Variants in DOCK10 observed in about 807,000 individuals in gnomAD.
The protein encoded by DOCK10 is dedicator of cytokinesis 10.
A neutral mutation model predicts 280.1 loss-of-function variants in DOCK10; 145 were observed. That is an observed-to-expected ratio of 0.52 (90% CI 0.45 to 0.59). The LOEUF is 0.59. DOCK10 is among the 20% of genes least tolerant of loss of function. The pLI is 0.00. For synonymous variants in DOCK10, 915 were observed against 942.2 expected, an observed-to-expected ratio of 0.97 and a Z score of 0.53; for missense variants, 2,368 against 2,651.7, an observed-to-expected ratio of 0.89 and a Z score of 2.35.
chr2:224,978,555 A>G (rs1342815952), intron 1 of DOCK10, among the ~76,000 whole-genome samples: 1 of 152,236 alleles, frequency 6.6e-6, no homozygotes, highest in African/African-American at 2.4e-5. Flanking sequence ...GATAAGAAAA[A>G]TATGTGATCA....
chr2:224,854,326 T>C (rs1381980999), intron 16 of DOCK10, among the ~76,000 whole-genome samples: 2 of 152,310 alleles, frequency 1.3e-5, no homozygotes, highest in East Asian at 3.9e-4. Context: ...AACTCTTTTA[T>C]AAATAAAGTT....
At chr2:224,889,901 G>GC (rs1699557589) in intron 4 of DOCK10, among the ~76,000 whole-genome samples, 2 of 152,206 alleles carry the variant, frequency 1.3e-5, no homozygotes, top group Non-Finnish European at 2.9e-5. Context: ...TCAGAGGAAG[G>GC]TTCCAATGGT....
In DOCK10 at chr2:224,845,661, T is replaced by C. The variant is rs954008706; in HGVS notation, c.2236-19A>G. The C allele has an allele frequency of 3.1e-6, 5 of 1,600,210 alleles. No homozygotes were observed. The highest frequency in any genetic ancestry group is 3.3e-4 in the Middle Eastern group (2 of 5,986). On this transcript the variant is annotated intron_variant, in intron 19 of 55. Transcript: ENST00000258390. Reference sequence around the variant, plus strand: ...TTTTCACCTGCAACGAAAGAAACCATAGTTGGACTGAGATTAAAATCATTT... The same window carrying C: ...TTTTCACCTGCAACGAAAGAAACCACAGTTGGACTGAGATTAAAATCATTT...
chr2:224,894,578 C>T (rs1699877398), intron 4 of DOCK10, among the ~76,000 whole-genome samples: 1 of 152,162 alleles, frequency 6.6e-6, no homozygotes, highest in Admixed American at 6.5e-5. Context: ...TCATGAACAC[C>T]CAGACATTCT....
chr2:224,786,549 T>C lies in DOCK10; in HGVS notation c.5655+473A>G, dbSNP rs1488595587. 1.3e-5 allele frequency among the ~76,000 whole-genome samples: 2 copies of C among 152,230 alleles called. No individual in the cohort carries two copies. Among genetic ancestry groups the C allele is most frequent in the East Asian group, 3.8e-4 (2 of 5,198 alleles). Reference sequence around the variant, plus strand: ...CAAAATAACCATCTGGTATTTTGTCTAGAAACAGTGGTAGTTCGAAAATAG... The same window carrying C: ...CAAAATAACCATCTGGTATTTTGTCCAGAAACAGTGGTAGTTCGAAAATAG... On this transcript the variant is annotated intron_variant, in intron 50 of 55. Coordinates refer to ENST00000258390, the MANE Select transcript of DOCK10 (RefSeq NM_014689.3). The surrounding 1 kb of genome is among the most constrained non-coding windows in gnomAD (Gnocchi z 4.7).
chr2:225,039,471 G>A (rs965026332), intron 1 of DOCK10, among the ~76,000 whole-genome samples: 6 of 152,174 alleles, frequency 3.9e-5, no homozygotes, highest in Non-Finnish European at 7.3e-5. Context: ...TGGGAGGGGT[G>A]AAGAATAAGG....
At chr2:224,955,567 G>T (rs563449967) in intron 1 of DOCK10, among the ~76,000 whole-genome samples, 2 of 152,332 alleles carry the variant, frequency 1.3e-5, no homozygotes, top group Non-Finnish European at 2.9e-5. Flanking sequence ...TAATGCATTT[G>T]TGTCTTTTAA....
intron 1 of DOCK10, among the ~76,000 whole-genome samples, chr2:224,934,898 A>C (rs1575081226): frequency 6.6e-6 from 1 of 152,178 alleles, no homozygotes; most frequent in African/African-American, 2.4e-5. Flanking sequence ...GCTGTTCTAA[A>C]GTCACTCTGC....
chr2:224,967,061 A>G (rs2126192864), intron 1 of DOCK10, among the ~76,000 whole-genome samples: 1 of 152,112 alleles, frequency 6.6e-6, no homozygotes. Context: ...CAAATGGATA[A>G]AGTTCACCCT....
intron 1 of DOCK10, among the ~76,000 whole-genome samples, chr2:224,989,230 C>T (rs993627022): frequency 3.3e-5 from 5 of 152,130 alleles, no homozygotes; most frequent in Admixed American, 6.5e-5. Context: ...TCAACTGCCT[C>T]GCAATCTTTG....
chr2:224,862,581 C>G lies in DOCK10; in HGVS notation c.1685+83G>C, dbSNP rs751007735. Reference sequence around the variant, plus strand: ...GTGTAGACACATTAAAAATAATAGGCAACACAAAAACGTTCAAAACTGAAG... The same window carrying G: ...GTGTAGACACATTAAAAATAATAGGGAACACAAAAACGTTCAAAACTGAAG... On this transcript the variant is annotated intron_variant, in intron 14 of 55. Transcript: ENST00000258390. 6 of 1,087,656 alleles carry G rather than the reference C, an allele frequency of 5.5e-6. No individual in the cohort carries two copies. The African/African-American group carries it at 7.8e-5, about 14-fold the overall frequency. 67.4% of individuals were successfully genotyped at this position (1,087,656 alleles called of 1,614,324 possible). A position where few individuals can be genotyped will look rare whatever the true frequency, so the allele number is the denominator to read the frequency against.
rs71062961 is a variant in DOCK10, at chr2:224,804,000, A to ATGTG, written c.4268+108_4268+111dup. The ATGTG allele has an allele frequency of 1.3e-3, 622 of 461,760 alleles. 1 individual carries two copies. Among genetic ancestry groups the ATGTG allele is most frequent in the African/African-American group, 2.9e-3 (133 of 45,478 alleles). 28.6% of individuals were successfully genotyped at this position (461,760 alleles called of 1,614,324 possible). Reference sequence around the variant, plus strand: ...TTGGTTTGAATATATAAATAGAAATATGTGTGTGTGTGTGTGTGTGTGTGT... The same window carrying ATGTG: ...TTGGTTTGAATATATAAATAGAAATATGTGTGTGTGTGTGTGTGTGTGTGTGTGT... On this transcript the variant is annotated intron_variant, in intron 39 of 55. Coordinates refer to ENST00000258390, the MANE Select transcript of DOCK10 (RefSeq NM_014689.3).
chr2:224,853,162 G>A (rs766074370), intron 16 of DOCK10, 40 bp from the exon 17 acceptor site: 10 of 1,492,488 alleles, frequency 6.7e-6, no homozygotes, highest in Middle Eastern at 1.8e-4. Flanking sequence ...ATTTAATATG[G>A]TTCTTTTAAA....
intron 11 of DOCK10, among the ~76,000 whole-genome samples, chr2:224,868,580 A>G (rs1003241251): frequency 2.6e-5 from 4 of 152,202 alleles, no homozygotes; most frequent in African/African-American, 9.6e-5. Context: ...AATGCTTAAC[A>G]GTATCTCCTA....
rs891570977 is a variant in DOCK10, at chr2:224,770,159, C to T, written c.6444+52G>A. On this transcript the variant is annotated intron_variant, in intron 55 of 55. Coordinates refer to ENST00000258390, the MANE Select transcript of DOCK10 (RefSeq NM_014689.3). The surrounding 1 kb of genome is among the most constrained non-coding windows in gnomAD (Gnocchi z 4.5). Reference sequence around the variant, plus strand: ...TTTCCTGTCCTTCTGGCATTGGGAGCGAAAGGGACTTTCTGTCCACTGATA... The same window carrying T: ...TTTCCTGTCCTTCTGGCATTGGGAGTGAAAGGGACTTTCTGTCCACTGATA... 4.2e-5 allele frequency: 61 copies of T among 1,440,812 alleles called. No homozygotes were observed. The highest frequency in any genetic ancestry group is 2.2e-4 in the Middle Eastern group (1 of 4,452). 89.3% of individuals were successfully genotyped at this position (1,440,812 alleles called of 1,614,324 possible). A position where few individuals can be genotyped will look rare whatever the true frequency, so the allele number is the denominator to read the frequency against.
chr2:225,006,327 C>A (rs562163389), intron 1 of DOCK10, among the ~76,000 whole-genome samples: 3 of 152,298 alleles, frequency 2.0e-5, no homozygotes, highest in East Asian at 1.9e-4. Context: ...TGAAAAGCTT[C>A]AAAATCTCCC....
At chr2:224,933,152 G>A (rs1392538502) in intron 1 of DOCK10, among the ~76,000 whole-genome samples, 1 of 152,200 alleles carries the variant, frequency 6.6e-6, no homozygotes, top group African/African-American at 2.4e-5. Context: ...AGAGCTGTGA[G>A]ACATTGAGTA....
chr2:224,879,529 G>A (rs545950878), intron 7 of DOCK10, among the ~76,000 whole-genome samples: 33 of 152,234 alleles, frequency 2.2e-4, no homozygotes, highest in Middle Eastern at 3.4e-3. Context: ...AGGCCAAGGC[G>A]GGCAGCTCAC....
chr2:224,800,164 G>T lies in DOCK10; in HGVS notation c.4493C>A (p.Thr1498Lys). 2 of 1,603,364 alleles carry T rather than the reference G, an allele frequency of 1.2e-6. No individual in the cohort carries two copies. The highest frequency in any genetic ancestry group is 1.7e-6 in the Non-Finnish European group (2 of 1,171,544). ...CATCATATTCACCTGATGAGTCTGT[G>T]TGAAGAGGGATAACAGGTCCAGAAT... ...LTILDLLSLF[T>K]QTHQRQLQQC... The change falls in exon 41 of 56, where the codon ACA becomes AAA. Residue 1498 changes from threonine (T) to lysine (K), a missense_variant. This residue lies in a region of DOCK10 where 1,159 missense variants were observed against 1,400.8 expected (regional missense o/e 0.83). Transcript: ENST00000258390.
Sources: gnomAD v4.1 joint callset for allele counts (sites outside exome capture counted in the v4.1 genomes callset) on GRCh38, gnomAD v4.1.1 for gene constraint, gnomAD v4.1.1 regional missense constraint, Gnocchi (gnomAD v3.1) non-coding constraint, MANE v1.5 for transcripts, NCBI Gene and HGNC (gene_info 2026-07-23, HGNC 2026-07-21) for gene names.